The following KCNH5 variants were observed in gnomAD, a reference collection of about 807,000 sequenced individuals.
The protein encoded by KCNH5 is potassium voltage-gated channel subfamily H member 5, also known as voltage-gated delayed rectifier potassium channel KCNH5.
A neutral mutation model predicts 96.1 loss-of-function variants in KCNH5; 46 were observed. The ratio of observed to expected loss-of-function variants is 0.48; its 90% CI spans 0.38 to 0.61. The LOEUF (loss-of-function observed/expected upper bound fraction) is 0.61. KCNH5 is among the 20% of genes least tolerant of loss of function. KCNH5 has a pLI of 0.00. For synonymous variants in KCNH5, 439 were observed against 449.8 expected (o/e 0.98, Z 0.30); for missense variants, 907 against 1,225.8 (o/e 0.74, Z 3.88).
chr14:62,950,002 A>G, intron 7 of KCNH5, 131 bp downstream of exon 7: 1 of 734,754 alleles, frequency 1.4e-6, no homozygotes, highest in Non-Finnish European at 2.2e-6. Context: ...TAGATTAAAA[A>G]AAACAATTGC....
At chr14:62,912,540 G>A (rs1041569367) in intron 7 of KCNH5, among the ~76,000 whole-genome samples, 1 of 151,910 alleles carries the variant, frequency 6.6e-6, no homozygotes, top group Non-Finnish European at 1.5e-5. Context: ...CTGAGTAGCT[G>A]GGATTATAGG....
intron 10 of KCNH5, among the ~76,000 whole-genome samples, chr14:62,761,295 C>T (rs1344435922): frequency 1.3e-5 from 2 of 149,524 alleles, no homozygotes; most frequent in Non-Finnish European, 3.0e-5. Context: ...GCGGAGGTTG[C>T]AATGAGCCAA....
At chr14:62,981,842 A>C (rs537531090) in intron 5 of KCNH5, among the ~76,000 whole-genome samples, 1 of 152,148 alleles carries the variant, frequency 6.6e-6, no homozygotes, top group Admixed American at 6.5e-5. Flanking sequence ...TTCTTGCCCA[A>C]CTGCAAATTT....
intron 7 of KCNH5, among the ~76,000 whole-genome samples, chr14:62,916,215 G>C (rs1465020307): frequency 1.3e-5 from 2 of 152,094 alleles, no homozygotes; most frequent in Admixed American, 1.3e-4. Flanking sequence ...GCCTCCCAAA[G>C]TGCTGGGATT....
intron 7 of KCNH5, among the ~76,000 whole-genome samples, chr14:62,884,353 G>A (rs1376475504): frequency 6.6e-6 from 1 of 152,170 alleles, no homozygotes; most frequent in Non-Finnish European, 1.5e-5. Flanking sequence ...GGCCGGGCAC[G>A]GTGGTTCACA....
At chr14:62,872,988 G>T (rs1022980426) in intron 7 of KCNH5, among the ~76,000 whole-genome samples, 1 of 151,872 alleles carries the variant, frequency 6.6e-6, no homozygotes, top group African/African-American at 2.4e-5. Flanking sequence ...GTTTCTACTG[G>T]AAATAAAAAA....
chr14:62,912,429 G>A (rs1412977571), intron 7 of KCNH5, among the ~76,000 whole-genome samples: 1 of 149,154 alleles, frequency 6.7e-6, no homozygotes, highest in African/African-American at 2.5e-5. Context: ...TTTTTTAGAC[G>A]GAGTTTCGCT....
chr14:62,799,954 A>C (rs545039018), intron 9 of KCNH5, among the ~76,000 whole-genome samples: 1 of 149,720 alleles, frequency 6.7e-6, no homozygotes, highest in Non-Finnish European at 1.5e-5. Flanking sequence ...AATGAGAAGA[A>C]GAAGAGGAGG....
At chr14:63,026,848 C>T (rs1456316028) in intron 1 of KCNH5, among the ~76,000 whole-genome samples, 2 of 152,048 alleles carry the variant, frequency 1.3e-5, no homozygotes, top group South Asian at 2.1e-4. Flanking sequence ...GATTCCACGA[C>T]TCAGTAAATA....
intron 10 of KCNH5, among the ~76,000 whole-genome samples, chr14:62,735,825 T>C (rs560365233): frequency 1.8e-3 from 278 of 152,334 alleles, no homozygotes; most frequent in Middle Eastern, 6.8e-3. Context: ...TAATCCAATA[T>C]GACTGATGTC....
intron 8 of KCNH5, among the ~76,000 whole-genome samples, chr14:62,826,596 T>C (rs1887232503): frequency 6.6e-6 from 1 of 152,076 alleles, no homozygotes; most frequent in African/African-American, 2.4e-5. Flanking sequence ...TAGTTTTTTG[T>C]TCTGTTTTTT....
chr14:62,840,875 T>G (rs1045895439), intron 8 of KCNH5, among the ~76,000 whole-genome samples: 6 of 152,086 alleles, frequency 3.9e-5, no homozygotes, highest in Non-Finnish European at 5.9e-5. Context: ...AGAATCTCTT[T>G]CTTACATAAC....
At chr14:62,821,364 T>C (rs1373682214) in intron 8 of KCNH5, among the ~76,000 whole-genome samples, 1 of 152,170 alleles carries the variant, frequency 6.6e-6, no homozygotes, top group Admixed American at 6.6e-5. Flanking sequence ...ATATGTGCTA[T>C]CATAGTAATT....
chr14:63,005,323 G>A (rs1221021670), intron 3 of KCNH5, among the ~76,000 whole-genome samples: 1 of 152,152 alleles, frequency 6.6e-6, no homozygotes, highest in Non-Finnish European at 1.5e-5. Context: ...TCCTTTGTTA[G>A]TCTACTAATA....
rs369372224 is a variant in KCNH5, at chr14:63,040,897, G to A, written c.73+4217C>T. Among the ~76,000 whole-genome samples the A allele has an allele frequency of 4.2e-3, 636 of 152,120 alleles. 1 individual carries two copies. The highest frequency in any genetic ancestry group is 7.0e-3 in the Non-Finnish European group (477 of 67,930). On this transcript the variant is annotated intron_variant, in intron 1 of 10. Transcript: ENST00000322893. ...GATACTGAGTTTCTTCTCTTGAAAGGTAAGTGGTTCATAAAATACTACCTT... is the reference window on the plus strand; with the variant it reads ...GATACTGAGTTTCTTCTCTTGAAAGATAAGTGGTTCATAAAATACTACCTT...
At position 62,990,673 on chromosome 14, in the gene KCNH5, G is replaced by A. The variant is rs188267473; in HGVS notation, c.434-3486C>T. Among the ~76,000 whole-genome samples, 13 of 152,106 alleles carry A rather than the reference G, an allele frequency of 8.5e-5. No individual in the cohort carries two copies. The East Asian group carries it at 9.7e-4, about 11-fold the overall frequency. ...AGATGAAAAGGGAAGTGACTGCATC[G>A]TGCGACTTTTAGTTGCCAGATCTTA... is the stretch of plus-strand genomic sequence containing the variant. On this transcript the variant is annotated intron_variant, in intron 4 of 10. Coordinates refer to ENST00000322893, the MANE Select transcript of KCNH5 (RefSeq NM_139318.5).
intron 8 of KCNH5, among the ~76,000 whole-genome samples, chr14:62,844,836 T>C (rs1316242437): frequency 6.6e-6 from 1 of 152,184 alleles, no homozygotes; most frequent in Non-Finnish European, 1.5e-5. Context: ...TAAATCACAG[T>C]GATTAATTTG....
At position 62,960,697 on chromosome 14, in the gene KCNH5, T is replaced by C. The variant is rs17100581; in HGVS notation, c.943-10138A>G. Among the ~76,000 whole-genome samples the C allele has an allele frequency of 7.6e-3, 1,153 of 152,304 alleles. 9 individuals carry two copies. Among genetic ancestry groups the C allele is most frequent in the African/African-American group, 0.026 (1,081 of 41,574 alleles). The stretch of plus-strand genomic sequence containing the variant: ...ACAGAAAAAAAATTGCAAACTACAT[T>C]TGTTATCTGAACCTCTAACCCAGAT... On this transcript the variant is annotated intron_variant, in intron 6 of 10. Transcript: ENST00000322893.
chr14:62,787,972 T>C (rs1357103946), intron 9 of KCNH5, among the ~76,000 whole-genome samples: 1 of 152,166 alleles, frequency 6.6e-6, no homozygotes, highest in Non-Finnish European at 1.5e-5. Context: ...TAACACAACA[T>C]CCATTCTGCA....
Sources: allele counts gnomAD v4.1 joint callset (sites outside exome capture counted in the v4.1 genomes callset), GRCh38; gene constraint gnomAD v4.1.1; transcripts MANE v1.5; gene names NCBI Gene and HGNC (gene_info 2026-07-23, HGNC 2026-07-21).